Variants in NYAP2 observed in about 807,000 individuals in gnomAD.
NYAP2 encodes neuronal tyrosine-phosphorylated phosphoinositide-3-kinase adapter 2.
NYAP2 carries 23 observed loss-of-function variants against 50.4 expected under a neutral mutation model. That is an observed-to-expected ratio of 0.46 (90% CI 0.33 to 0.65). NYAP2 has a LOEUF of 0.65. Among genes scored for constraint, NYAP2 ranks in the 30% least tolerant of loss-of-function variants. The pLI is 0.02. For synonymous variants in NYAP2, 394 were observed against 365.2 expected (o/e 1.08, Z -0.90); for missense variants, 885 against 861.0 (o/e 1.03, Z -0.35).
chr2:225,466,705 G>A (rs1689924776), intron 3 of NYAP2, among the ~76,000 whole-genome samples: 1 of 152,178 alleles, frequency 6.6e-6, no homozygotes, highest in South Asian at 2.1e-4. Flanking sequence ...GTATGAAAAG[G>A]TAAGTCAAGA....
intron 4 of NYAP2, among the ~76,000 whole-genome samples, chr2:225,514,528 T>G (rs1284656518): frequency 6.6e-6 from 1 of 152,098 alleles, no homozygotes; most frequent in Non-Finnish European, 1.5e-5. Flanking sequence ...ACTGCCGACT[T>G]CTCCTTGTAT....
At chr2:225,626,672 A>C (rs967311109) in intron 5 of NYAP2, among the ~76,000 whole-genome samples, 2 of 152,192 alleles carry the variant, frequency 1.3e-5, no homozygotes, top group African/African-American at 4.8e-5. Context: ...AGAGTTACTA[A>C]AGATTCGTCG....
chr2:225,420,010 G>T (rs1280830353), intron 3 of NYAP2, among the ~76,000 whole-genome samples: 3 of 152,112 alleles, frequency 2.0e-5, no homozygotes, highest in Non-Finnish European at 2.9e-5. Flanking sequence ...CATATGAATA[G>T]ATTCAAAAGG....
intron 4 of NYAP2, among the ~76,000 whole-genome samples, chr2:225,557,690 G>T (rs1189358981): frequency 6.6e-6 from 1 of 152,032 alleles, no homozygotes; most frequent in Non-Finnish European, 1.5e-5. Context: ...ATTCTAATGA[G>T]GGTCACAATA....
intron 3 of NYAP2, among the ~76,000 whole-genome samples, chr2:225,425,949 GAAAT>G (rs961551637): frequency 6.6e-5 from 10 of 151,990 alleles, no homozygotes; most frequent in Non-Finnish European, 1.3e-4. Flanking sequence ...GAAAAAGAAA[GAAAT>G]AAATGAAGGG....
the NYAP2 span, among the ~76,000 whole-genome samples, chr2:225,667,045 A>G: frequency 6.6e-6 from 1 of 152,224 alleles, no homozygotes; most frequent in Non-Finnish European, 1.5e-5. Context: ...TATGGTTTGT[A>G]GGGCATGACT....
At chr2:225,630,281 G>T (rs2106259782) in intron 6 of NYAP2, among the ~76,000 whole-genome samples, 1 of 152,308 alleles carries the variant, frequency 6.6e-6, no homozygotes, top group East Asian at 1.9e-4. Flanking sequence ...AATAGCCCTT[G>T]TTTGCACCCT....
At chr2:225,589,417 C>A (rs1276565109) in intron 5 of NYAP2, among the ~76,000 whole-genome samples, 1 of 149,938 alleles carries the variant, frequency 6.7e-6, no homozygotes, top group Non-Finnish European at 1.5e-5. Context: ...CTCCTGTAAT[C>A]CCAACACTTT....
At chr2:225,401,733 C>T (rs904555556) in intron 2 of NYAP2, among the ~76,000 whole-genome samples, 1 of 151,182 alleles carries the variant, frequency 6.6e-6, no homozygotes, top group African/African-American at 2.5e-5. Context: ...ATTTTAAATA[C>T]AAGACATGTG....
chr2:225,655,283 T>C (rs527362009), downstream of NYAP2, among the ~76,000 whole-genome samples: 1 of 152,316 alleles, frequency 6.6e-6, no homozygotes, highest in Admixed American at 6.5e-5. Flanking sequence ...TCTCTGACAC[T>C]CAGAGAGTTA....
Position 225,473,031 on chromosome 2 carries a change from T to G in NYAP2, c.222-40340T>G, listed in dbSNP as rs547453920. Among the ~76,000 whole-genome samples, 4 of 152,322 alleles carry G rather than the reference T, an allele frequency of 2.6e-5. No individual in the cohort carries two copies. The South Asian group carries it at 8.3e-4, about 32-fold the overall frequency. ...TGTCCAAGTGTTCTCATTGTTCAAT[T>G]CCCACATATGAGTGAGAACATGCGG... On this transcript the variant is annotated intron_variant, in intron 3 of 6. Coordinates refer to ENST00000636099, the Ensembl canonical transcript of NYAP2.
At chr2:225,536,891 G>T (rs1156588320) in intron 4 of NYAP2, among the ~76,000 whole-genome samples, 1 of 151,482 alleles carries the variant, frequency 6.6e-6, no homozygotes, top group African/African-American at 2.4e-5. Flanking sequence ...CCATTCTCCT[G>T]CCTCAGCCTC....
intron 5 of NYAP2, among the ~76,000 whole-genome samples, chr2:225,610,752 G>T (rs1345797736): frequency 6.6e-6 from 1 of 152,054 alleles, no homozygotes; most frequent in Admixed American, 6.6e-5. Flanking sequence ...TTTTGGAATT[G>T]TTCTTGAAAT....
chr2:225,487,364 CTT>C (rs373428676), intron 3 of NYAP2, among the ~76,000 whole-genome samples: 1 of 147,996 alleles, frequency 6.8e-6, no homozygotes, highest in Admixed American at 6.8e-5. Context: ...TTCTTCTTTT[CTT>C]TTTTTTTTTC....
At chr2:225,565,264 T>TA (rs1691942623) in intron 4 of NYAP2, among the ~76,000 whole-genome samples, 2 of 152,188 alleles carry the variant, frequency 1.3e-5, no homozygotes. Flanking sequence ...AAATCATTTT[T>TA]AAAAAACTGA....
intron 4 of NYAP2, among the ~76,000 whole-genome samples, chr2:225,517,696 T>C (rs1225700386): frequency 3.3e-5 from 5 of 152,096 alleles, no homozygotes; most frequent in Admixed American, 2.0e-4. Context: ...AATCACCACT[T>C]CTAATAGGCC....
At chr2:225,680,797 A>G in the NYAP2 span, among the ~76,000 whole-genome samples, 4 of 152,190 alleles carry the variant, frequency 2.6e-5, no homozygotes. Context: ...CAAAGCATAT[A>G]TAAAGAGTTT....
chr2:225,468,027 G>A (rs1001965859), intron 3 of NYAP2, among the ~76,000 whole-genome samples: 1 of 152,130 alleles, frequency 6.6e-6, no homozygotes, highest in African/African-American at 2.4e-5. Flanking sequence ...TAGAGTTTGG[G>A]CATATATTGA....
chr2:225,462,418 A>C lies in NYAP2; in HGVS notation c.222-50953A>C, dbSNP rs368992110. ...CATCATTCCATCAAGACCTGACTTC[A>C]CCTTTCTTTTGTGCCTTGAGAAGTT... On this transcript the variant is annotated intron_variant, in intron 3 of 6. Transcript: ENST00000636099. Among the ~76,000 whole-genome samples, 62 of 151,934 alleles carry C rather than the reference A, an allele frequency of 4.1e-4. 1 individual carries two copies. The highest frequency in any genetic ancestry group is 4.1e-3 in the East Asian group (21 of 5,160).
Sources: gnomAD v4.1 joint callset for allele counts (sites outside exome capture counted in the v4.1 genomes callset) on GRCh38, gnomAD v4.1.1 for gene constraint, MANE v1.5 for transcripts, NCBI Gene and HGNC (gene_info 2026-07-23, HGNC 2026-07-21) for gene names.